Variants in UBE2F observed in about 807,000 individuals in gnomAD.
The protein encoded by UBE2F is ubiquitin conjugating enzyme E2 F (putative).
Under a neutral mutation model 29.6 loss-of-function variants are expected in UBE2F, and 5 were observed. That is an observed-to-expected ratio of 0.17 (90% CI 0.09 to 0.36). The LOEUF is 0.36. Ranked by LOEUF, UBE2F falls within the 10% of genes least tolerant of loss-of-function variation. The probability of loss-of-function intolerance (pLI) is 1.00; values close to 1 mark genes in which losing one functional copy is unlikely to be tolerated. For synonymous variants in UBE2F, 66 were observed against 81.8 expected (o/e 0.81, Z 1.04); for missense variants, 141 against 228.5 (o/e 0.62, Z 2.47).
chr2:238,014,202 TA>T (rs2064104273), intron 4 of UBE2F, among the ~76,000 whole-genome samples: 1 of 152,260 alleles, frequency 6.6e-6, no homozygotes, highest in African/African-American at 2.4e-5. Flanking sequence ...AGCTGCTTTT[TA>T]AGTTGGACTG....
intron 5 of UBE2F, among the ~76,000 whole-genome samples, chr2:238,019,736 C>T (rs1188167576): frequency 1.4e-5 from 2 of 146,870 alleles, no homozygotes; most frequent in Admixed American, 6.9e-5. Flanking sequence ...CTCAGCTCAC[C>T]GCAACCTCTG....
intron 4 of UBE2F, among the ~76,000 whole-genome samples, chr2:237,995,400 A>G (rs967885029): frequency 1.3e-5 from 2 of 152,204 alleles, no homozygotes; most frequent in Non-Finnish European, 2.9e-5. Context: ...GAGGACTTGT[A>G]TATTTTCTAG....
intron 4 of UBE2F, among the ~76,000 whole-genome samples, chr2:238,014,206 TTGGACTG>T (rs1344730858): frequency 2.6e-5 from 4 of 152,218 alleles, no homozygotes; most frequent in African/African-American, 9.6e-5. Flanking sequence ...GCTTTTTAAG[TTGGACTG>T]TGGAATTTCT....
rs1387387017 is a variant in UBE2F, at chr2:238,041,468, A to G, written c.*130A>G. 2 of 831,776 alleles carry G rather than the reference A, an allele frequency of 2.4e-6. No individual in the cohort carries two copies. The highest frequency in any genetic ancestry group is 2.5e-5 in the East Asian group (1 of 39,332). The allele number at this position is 831,776 out of a possible 1,614,324, so 51.5% of individuals were successfully genotyped here. Reference sequence around the variant, plus strand: ...CCTGGATTGCCCCAGTCCTGTGACCATGTTGCCCTGAAGAAGACCATCTTC... The same window carrying G: ...CCTGGATTGCCCCAGTCCTGTGACCGTGTTGCCCTGAAGAAGACCATCTTC... On this transcript the variant is annotated 3_prime_UTR_variant, in exon 10 of 10. Transcript: ENST00000272930.
In UBE2F at chr2:238,019,654, C is replaced by CTTTTTTTTTTTT. The variant is rs375103007; in HGVS notation, c.282+3029_282+3040dup. 3.8e-5 allele frequency among the ~76,000 whole-genome samples: 3 copies of CTTTTTTTTTTTT among 78,018 alleles called. 1 individual carries two copies. Among genetic ancestry groups the CTTTTTTTTTTTT allele is most frequent in the Non-Finnish European group, 4.5e-5 (2 of 44,684 alleles). 51.2% of individuals were successfully genotyped at this position (78,018 alleles called of 152,430 possible). ...GTGCTGGGGAGCCACTGTGCTCAGC[C>CTTTTTTTTTTTT]TTTTTTTTTTTTTTTTTTTAATGAG... On this transcript the variant is annotated intron_variant, in intron 5 of 9. Coordinates refer to ENST00000272930, the MANE Select transcript of UBE2F (RefSeq NM_080678.3).
At chr2:237,977,871 A>T (rs1025607783) in intron 2 of UBE2F, among the ~76,000 whole-genome samples, 1 of 152,132 alleles carries the variant, frequency 6.6e-6, no homozygotes, top group Admixed American at 6.5e-5. Context: ...AGAAATTTGT[A>T]TCAATATGTC....
At chr2:238,002,297 T>G (rs901328827) in intron 4 of UBE2F, among the ~76,000 whole-genome samples, 12 of 152,214 alleles carry the variant, frequency 7.9e-5, no homozygotes, top group African/African-American at 2.9e-4. Flanking sequence ...ACTTTAAGTT[T>G]TAGGGTACAT....
At chr2:237,993,558 C>A (rs1160551690) in intron 3 of UBE2F, among the ~76,000 whole-genome samples, 1 of 151,988 alleles carries the variant, frequency 6.6e-6, no homozygotes, top group East Asian at 1.9e-4. Context: ...ACAAAAGATA[C>A]AAAAATTAGC....
At chr2:238,023,976 AG>A (rs1234009115) in intron 5 of UBE2F, among the ~76,000 whole-genome samples, 1 of 152,160 alleles carries the variant, frequency 6.6e-6, no homozygotes, top group Non-Finnish European at 1.5e-5. Flanking sequence ...AAGCAACCTG[AG>A]GGCCCAGAGG....
chr2:238,031,236 C>G (rs2064568782), intron 7 of UBE2F, among the ~76,000 whole-genome samples: 1 of 152,250 alleles, frequency 6.6e-6, no homozygotes, highest in African/African-American at 2.4e-5. Flanking sequence ...AACTTTCCCT[C>G]TGCAGGTCGT....
rs1576581234 is a variant in UBE2F at position 237,967,638 on chromosome 2, G to T, written c.-17+506G>T. Among the ~76,000 whole-genome samples, 1 of 152,362 alleles carries T rather than the reference G, an allele frequency of 6.6e-6. No homozygotes were observed. The highest frequency in any genetic ancestry group is 1.9e-4 in the East Asian group (1 of 5,182). ...GTCGCGCTAGGCCGTGAGGAGCGGG[G>T]GAGGTGAGGGGAGTGACAACTCGCG... On this transcript the variant is annotated intron_variant, in intron 1 of 9. Transcript: ENST00000272930. This position sits in a 1 kb window ranked among gnomAD's most constrained non-coding sequence, Gnocchi z 6.3.
chr2:238,029,073 C>G (rs1231561300), intron 6 of UBE2F: 1 of 152,024 alleles, frequency 6.6e-6, no homozygotes, highest in Non-Finnish European at 1.5e-5. Flanking sequence ...CTGGAATGAT[C>G]ATTTCCATGA....
intron 8 of UBE2F, among the ~76,000 whole-genome samples, chr2:238,033,324 G>T (rs909161242): frequency 6.6e-6 from 1 of 152,182 alleles, no homozygotes. Flanking sequence ...GATATTATAC[G>T]TTCCTTTGAA....
At chr2:238,037,435 A>G (rs1422523085) in intron 9 of UBE2F, among the ~76,000 whole-genome samples, 3 of 152,280 alleles carry the variant, frequency 2.0e-5, no homozygotes, top group African/African-American at 7.2e-5. Context: ...TGCAAAGCAC[A>G]TGGAGCAGGA....
rs2064816418 is a variant in UBE2F at position 238,040,539 on chromosome 2, G to A, written c.508-749G>A. On this transcript the variant is annotated intron_variant, in intron 9 of 9. Transcript: ENST00000272930. This position sits in a 1 kb window ranked among gnomAD's most constrained non-coding sequence, Gnocchi z 4.4. ...ACATCTGAGACCCAGCAGCTGTGTT[G>A]TAGGAGTGAGAGGGTTAAGAGCTCC... is the stretch of plus-strand genomic sequence containing the variant. Among the ~76,000 whole-genome samples the A allele has an allele frequency of 6.6e-6, 1 of 152,144 alleles. No homozygotes were observed. The highest frequency in any genetic ancestry group is 2.4e-5 in the African/African-American group (1 of 41,420).
chr2:238,038,041 C>T (rs942483839), intron 9 of UBE2F, among the ~76,000 whole-genome samples: 5 of 152,194 alleles, frequency 3.3e-5, no homozygotes, highest in Non-Finnish European at 7.3e-5. Context: ...GCCAAGTCCT[C>T]GCTACAGTCT....
At chr2:238,026,005 G>A (rs1431990657) in intron 6 of UBE2F, among the ~76,000 whole-genome samples, 1 of 152,206 alleles carries the variant, frequency 6.6e-6, no homozygotes, top group African/African-American at 2.4e-5. Flanking sequence ...GAAAAGTTGT[G>A]TAGGTGGATT....
intron 5 of UBE2F, among the ~76,000 whole-genome samples, chr2:238,022,309 T>G (rs2064314972): frequency 6.6e-6 from 1 of 152,128 alleles, no homozygotes; most frequent in Admixed American, 6.6e-5. Context: ...TGCTGAATAG[T>G]ATTTCCCACT....
Position 238,029,955 on chromosome 2 carries a change from T to C in UBE2F, c.354-601T>C, listed in dbSNP as rs538215142. Among the ~76,000 whole-genome samples, 13 of 151,724 alleles carry C rather than the reference T, an allele frequency of 8.6e-5. No homozygotes were observed. In the East Asian group the frequency reaches 9.6e-4, roughly 11 times the overall value. ...TGTCATTTTCTTTCTTTCTTTCTTT[T>C]TTTTTTTTTGAGACAGGGCCTCACA... On this transcript the variant is annotated intron_variant, in intron 6 of 9. Coordinates refer to ENST00000272930, the MANE Select transcript of UBE2F (RefSeq NM_080678.3).
Sources: gnomAD v4.1 joint callset for allele counts (sites outside exome capture counted in the v4.1 genomes callset) on GRCh38, gnomAD v4.1.1 for gene constraint, Gnocchi (gnomAD v3.1) non-coding constraint, MANE v1.5 for transcripts, NCBI Gene and HGNC (gene_info 2026-07-23, HGNC 2026-07-21) for gene names.